GALNT17: variants seen among roughly 807,000 people sequenced by gnomAD.
GALNT17 encodes the protein UDP-GalNAc:polypeptide N-acetylgalactosaminyltransferase-like 3.
In GALNT17, 29 loss-of-function variants were observed where a neutral mutation model predicts 63.7. The ratio of observed to expected loss-of-function variants is 0.46; its 90% CI spans 0.34 to 0.62. The LOEUF (loss-of-function observed/expected upper bound fraction) is 0.62. Ranked by LOEUF, GALNT17 falls within the 20% of genes least tolerant of loss-of-function variation. The pLI is 0.01. For synonymous variants in GALNT17, 305 were observed against 318.3 expected (o/e 0.96, Z 0.45); for missense variants, 603 against 799.6 (o/e 0.75, Z 2.97).
Position 71,538,297 on chromosome 7 carries a change from G to A in GALNT17, c.963-32988G>A, listed in dbSNP as rs144637991. ...AACCCTGGAAGGCAGAGCTTGCCAC[G>A]GCTATTTCAAGCACCCCTCTCCTCC... On this transcript the variant is annotated intron_variant, in intron 5 of 10. Coordinates refer to ENST00000333538, the MANE Select transcript of GALNT17 (RefSeq NM_022479.3). Among the ~76,000 whole-genome samples, 15 of 152,174 alleles carry A rather than the reference G, an allele frequency of 9.9e-5. No individual in the cohort carries two copies. The East Asian group carries it at 2.7e-3, about 28-fold the overall frequency.
intron 1 of GALNT17, among the ~76,000 whole-genome samples, chr7:71,197,133 CTT>C (rs903175493): frequency 1.4e-5 from 2 of 142,542 alleles, no homozygotes; most frequent in Admixed American, 1.4e-4. Context: ...CAGTCATACT[CTT>C]TTAGTTATTT....
At position 71,161,990 on chromosome 7, in the gene GALNT17, C is replaced by T. The variant is rs565083918; in HGVS notation, c.238+28950C>T. Reference sequence around the variant, plus strand: ...TGTCTTCCCTTCTGCCCTTCCTCTTCTTTCCTTCTTCCCTTCTTCCTCCTT... The same window carrying T: ...TGTCTTCCCTTCTGCCCTTCCTCTTTTTTCCTTCTTCCCTTCTTCCTCCTT... On this transcript the variant is annotated intron_variant, in intron 1 of 10. Transcript: ENST00000333538. 1.9e-4 allele frequency among the ~76,000 whole-genome samples: 29 copies of T among 149,476 alleles called. 1 individual carries two copies. The East Asian group carries it at 5.8e-3, about 30-fold the overall frequency.
At chr7:71,639,533 G>A (rs974557064) in intron 6 of GALNT17, among the ~76,000 whole-genome samples, 1 of 152,184 alleles carries the variant, frequency 6.6e-6, no homozygotes, top group Non-Finnish European at 1.5e-5. Flanking sequence ...GAGGAGGGCT[G>A]TGGGGAGGGC....
intron 5 of GALNT17, among the ~76,000 whole-genome samples, chr7:71,532,497 G>A (rs929840187): frequency 6.6e-5 from 10 of 152,208 alleles, no homozygotes; most frequent in Non-Finnish European, 1.2e-4. Context: ...AATAGCATAT[G>A]TCAGGCAGTT....
intron 1 of GALNT17, among the ~76,000 whole-genome samples, chr7:71,211,606 T>C (rs1365639692): frequency 3.3e-5 from 5 of 152,222 alleles, no homozygotes; most frequent in South Asian, 2.1e-4. Flanking sequence ...CAGAAGAAGA[T>C]AGGAAAATGT....
intron 9 of GALNT17, among the ~76,000 whole-genome samples, chr7:71,700,690 C>T (rs1196021047): frequency 6.6e-6 from 1 of 152,176 alleles, no homozygotes; most frequent in African/African-American, 2.4e-5. Flanking sequence ...CTCTTACTTG[C>T]CTAGTTGGCT....
At chr7:71,632,350 C>T (rs1423692208) in intron 6 of GALNT17, among the ~76,000 whole-genome samples, 1 of 152,120 alleles carries the variant, frequency 6.6e-6, no homozygotes. Flanking sequence ...TGCATTCATT[C>T]CTGTGATATG....
At chr7:71,190,800 T>G (rs936047492) in intron 1 of GALNT17, among the ~76,000 whole-genome samples, 4 of 151,270 alleles carry the variant, frequency 2.6e-5, no homozygotes, top group Admixed American at 6.7e-5. Context: ...CCCACCTGTA[T>G]TTTGTATTTT....
chr7:71,690,589 A>G (rs2117093424), intron 9 of GALNT17, among the ~76,000 whole-genome samples: 1 of 152,274 alleles, frequency 6.6e-6, no homozygotes, highest in East Asian at 1.9e-4. Context: ...GATTCTTCTC[A>G]TGGGTCTGGC....
intron 6 of GALNT17, among the ~76,000 whole-genome samples, chr7:71,583,315 C>T (rs1188980816): frequency 1.3e-5 from 2 of 152,270 alleles, no homozygotes; most frequent in South Asian, 2.1e-4. Flanking sequence ...AGGATGGTCT[C>T]GATCTCCTGA....
At chr7:71,238,966 C>G (rs1230758662) in intron 1 of GALNT17, among the ~76,000 whole-genome samples, 1 of 152,146 alleles carries the variant, frequency 6.6e-6, no homozygotes, top group Non-Finnish European at 1.5e-5. Context: ...TGTAGATAAG[C>G]CACATGGCAA....
At chr7:71,711,518 CCT>C (rs547439449) in intron 10 of GALNT17, among the ~76,000 whole-genome samples, 2 of 149,646 alleles carry the variant, frequency 1.3e-5, no homozygotes, top group Non-Finnish European at 3.0e-5. Flanking sequence ...TCTCTCTCTC[CCT>C]CTCTCTCCCT....
At chr7:71,320,736 G>A (rs1791591207) in intron 1 of GALNT17, among the ~76,000 whole-genome samples, 1 of 152,176 alleles carries the variant, frequency 6.6e-6, no homozygotes, top group Non-Finnish European at 1.5e-5. Flanking sequence ...GTGGTGGGAT[G>A]TGTGATACTG....
intron 1 of GALNT17, among the ~76,000 whole-genome samples, chr7:71,182,005 G>A (rs1788744342): frequency 6.6e-6 from 1 of 152,020 alleles, no homozygotes; most frequent in Admixed American, 6.6e-5. Context: ...GAGAAACTCC[G>A]TCTCTACTAA....
chr7:71,145,262 A>C (rs999162060), intron 1 of GALNT17, among the ~76,000 whole-genome samples: 2 of 152,096 alleles, frequency 1.3e-5, no homozygotes, highest in African/African-American at 4.8e-5. Flanking sequence ...TTATCCATGG[A>C]GCAGTTAAGG....
At chr7:71,462,465 A>G (rs1787468068) in intron 5 of GALNT17, among the ~76,000 whole-genome samples, 1 of 152,204 alleles carries the variant, frequency 6.6e-6, no homozygotes, top group Non-Finnish European at 1.5e-5. Flanking sequence ...GACAGGTCTC[A>G]GTTAATTTAG....
At chr7:71,698,123 C>CAAAAAAAAAAAAAAAAA (rs10708106) in intron 9 of GALNT17, among the ~76,000 whole-genome samples, 1 of 107,760 alleles carries the variant, frequency 9.3e-6, no homozygotes, top group African/African-American at 3.3e-5. Context: ...GACTCTGTCT[C>CAAAAAAAAAAAAAAAAA]AAAAAAAAAA....
intron 7 of GALNT17, 131 bp downstream of exon 7, chr7:71,665,727 A>G (rs754572784): frequency 1.7e-5 from 18 of 1,053,930 alleles, no homozygotes; most frequent in East Asian, 2.7e-5. Context: ...ATGCATTTCA[A>G]AGGGATTCAC....
Position 71,253,035 on chromosome 7 carries a change from C to T in GALNT17, c.239-82515C>T, listed in dbSNP as rs189587625. Among the ~76,000 whole-genome samples, 3 of 152,346 alleles carry T rather than the reference C, an allele frequency of 2.0e-5. No individual in the cohort carries two copies. The East Asian group carries it at 5.8e-4, about 29-fold the overall frequency. On this transcript the variant is annotated intron_variant, in intron 1 of 10. Transcript: ENST00000333538. ...ATGTTTATTAAAAATGCTCTGTGTGCAAGACAACTTGAAATTGACTATTCT... is the reference window on the plus strand; with the variant it reads ...ATGTTTATTAAAAATGCTCTGTGTGTAAGACAACTTGAAATTGACTATTCT...
Sources: allele counts gnomAD v4.1 joint callset (sites outside exome capture counted in the v4.1 genomes callset), GRCh38; gene constraint gnomAD v4.1.1; transcripts MANE v1.5; gene names NCBI Gene and HGNC (gene_info 2026-07-23, HGNC 2026-07-21).